Variants in EFCAB14 observed in about 807,000 individuals in gnomAD.
The protein encoded by EFCAB14 is EF-hand calcium-binding domain-containing protein 14.
In EFCAB14, 43 loss-of-function variants were observed where a neutral mutation model predicts 56.5. The ratio of observed to expected loss-of-function variants is 0.76; its 90% confidence interval spans 0.60 to 0.98. The LOEUF (loss-of-function observed/expected upper bound fraction) is 0.98, where lower values mean the gene tolerates loss of function less well. Ranked by LOEUF, EFCAB14 falls within the 50% of genes least tolerant of loss-of-function variation. EFCAB14 has a pLI of 0.00. For missense variants in EFCAB14, 538 were observed against 580.3 expected (o/e 0.93, Z 0.75); for synonymous variants, 235 against 212.9 (o/e 1.10, Z -0.90).
At chr1:46,679,509 G>A (rs1167258868) in intron 10 of EFCAB14, among the ~76,000 whole-genome samples, 2 of 150,824 alleles carry the variant, frequency 1.3e-5, no homozygotes, top group Non-Finnish European at 2.9e-5. Flanking sequence ...CACCATGTTG[G>A]CCAGGCTGGT....
chr1:46,686,118 C>G (rs971908637), intron 8 of EFCAB14, among the ~76,000 whole-genome samples: 1 of 152,136 alleles, frequency 6.6e-6, no homozygotes, highest in African/African-American at 2.4e-5. Flanking sequence ...TTTATCTTAG[C>G]CCAGAGTTTA....
chr1:46,692,320 G>C (rs1449895063), intron 4 of EFCAB14, among the ~76,000 whole-genome samples: 1 of 152,234 alleles, frequency 6.6e-6, no homozygotes, highest in African/African-American at 2.4e-5. Context: ...ATTCCATTGT[G>C]TGGCTCTATC....
intron 7 of EFCAB14, 102 bp downstream of exon 7, chr1:46,688,251 G>A (rs1676920775): frequency 9.2e-7 from 1 of 1,090,474 alleles, no homozygotes; most frequent in Non-Finnish European, 1.4e-6. Context: ...CAAATGTGTG[G>A]CCTCTCAAAT....
chr1:46,717,351 T>C (rs1677412258), intron 1 of EFCAB14, among the ~76,000 whole-genome samples: 1 of 152,142 alleles, frequency 6.6e-6, no homozygotes, highest in Non-Finnish European at 1.5e-5. Context: ...TGTCCTCAAA[T>C]CTTACTACTT....
At chr1:46,687,075 T>C (rs931685473) in intron 7 of EFCAB14, 2 of 593,160 alleles carry the variant, frequency 3.4e-6, no homozygotes, top group Non-Finnish European at 6.0e-6. Context: ...CTTCTAGCTG[T>C]TTCAGTCACA....
intron 1 of EFCAB14, 70 bp downstream of exon 1, chr1:46,717,833 C>A: frequency 6.6e-7 from 1 of 1,515,696 alleles, no homozygotes; most frequent in South Asian, 1.2e-5. Flanking sequence ...CTTTCTCCTT[C>A]CTGTCAATGT....
Position 46,683,180 on chromosome 1 carries a change from T to C in EFCAB14, c.1312+120A>G, listed in dbSNP as rs781242479. On this transcript the variant is annotated intron_variant, in intron 10 of 10. Transcript: ENST00000371933. The stretch of plus-strand genomic sequence containing the variant: ...TATGACATAATGCATATAAAGTATC[T>C]GGCACTTGATATCTCCTCAATAAAT... 2.6e-6 allele frequency: 3 copies of C among 1,147,698 alleles called. No individual in the cohort carries two copies. The African/African-American group carries it at 4.7e-5, about 18-fold the overall frequency. 71.1% of individuals were successfully genotyped at this position (1,147,698 alleles called of 1,614,324 possible).
chr1:46,708,476 A>G (rs965784290), intron 2 of EFCAB14, among the ~76,000 whole-genome samples: 2 of 152,206 alleles, frequency 1.3e-5, no homozygotes, highest in African/African-American at 4.8e-5. Context: ...TAGATGATAA[A>G]TGCTAAGTAC....
At position 46,679,599 on chromosome 1, in the gene EFCAB14, G is replaced by GT. The variant is rs60875639; in HGVS notation, c.1313-964dup. 4.4e-3 allele frequency among the ~76,000 whole-genome samples: 160 copies of GT among 36,512 alleles called. 26 individuals carry two copies. The highest frequency in any genetic ancestry group is 4.6e-3 in the Non-Finnish European group (96 of 20,680). 24.0% of individuals were successfully genotyped at this position (36,512 alleles called of 152,430 possible). On this transcript the variant is annotated intron_variant, in intron 10 of 10. Transcript: ENST00000371933. ...ATTATAGGCGTGAACCACCACGCCT[G>GT]TTTTTTTTTTTTTTTTTTTTTTTTT...
intron 6 of EFCAB14, 86 bp downstream of exon 6, chr1:46,689,501 G>T: frequency 7.8e-7 from 1 of 1,286,772 alleles, no homozygotes; most frequent in Non-Finnish European, 1.1e-6. Flanking sequence ...TGCACCTGCT[G>T]AGACACCAAA....
At chr1:46,689,881 A>G (rs2148842001) in intron 5 of EFCAB14, among the ~76,000 whole-genome samples, 190 bp from the exon 6 acceptor site, 2 of 152,282 alleles carry the variant, frequency 1.3e-5, no homozygotes, top group East Asian at 3.9e-4. Context: ...TTGAGCATGC[A>G]CTAGGCCAGC....
intron 10 of EFCAB14, among the ~76,000 whole-genome samples, chr1:46,679,468 T>G (rs899299421): frequency 2.0e-5 from 3 of 151,690 alleles, no homozygotes; most frequent in Admixed American, 2.0e-4. Context: ...GCCCAGCTAA[T>G]TTTTTTTAAT....
intron 3 of EFCAB14, among the ~76,000 whole-genome samples, chr1:46,699,592 C>CG (rs1226152924): frequency 1.3e-5 from 2 of 152,032 alleles, no homozygotes; most frequent in Non-Finnish European, 1.5e-5. Context: ...AGACAGAGGC[C>CG]GGGGGGTAGG....
At chr1:46,704,965 T>C (rs146258976) in intron 3 of EFCAB14, among the ~76,000 whole-genome samples, 7 of 152,246 alleles carry the variant, frequency 4.6e-5, no homozygotes, top group East Asian at 1.9e-4. Context: ...TTAAGTGATA[T>C]AATAACACTT....
chr1:46,716,658 CAGA>C (rs796489038), intron 1 of EFCAB14, among the ~76,000 whole-genome samples: 3 of 152,266 alleles, frequency 2.0e-5, no homozygotes, highest in African/African-American at 7.2e-5. Context: ...TCACATAAAA[CAGA>C]AGGAGTTCCT....
At chr1:46,683,082 T>C (rs779009112) in intron 10 of EFCAB14, 1 of 399,344 alleles carries the variant, frequency 2.5e-6, no homozygotes, top group Non-Finnish European at 4.4e-6. Flanking sequence ...TGTGTGGACT[T>C]AGGCAGTTTC....
At chr1:46,686,429 TATC>T in intron 8 of EFCAB14, among the ~76,000 whole-genome samples, 2 of 152,344 alleles carry the variant, frequency 1.3e-5, no homozygotes, top group South Asian at 4.1e-4. Context: ...TTCTTGATCT[TATC>T]ATATCCTGTA....
At chr1:46,713,738 TAAC>T (rs1677345647) in intron 2 of EFCAB14, among the ~76,000 whole-genome samples, 1 of 152,182 alleles carries the variant, frequency 6.6e-6, no homozygotes, top group Non-Finnish European at 1.5e-5. Flanking sequence ...CAAGCCTAAC[TAAC>T]TACAGGGCTG....
rs1001474843 is a variant in EFCAB14 at position 46,677,125 on chromosome 1, G to A, written c.*1336C>T. On this transcript the variant is annotated 3_prime_UTR_variant, in exon 11 of 11. Transcript: ENST00000371933. ...CTAGACTCAACATACAGGAGACATG[G>A]AGGTATTATTCCTTTCAATCTAGGG... 2.6e-5 allele frequency: 4 copies of A among 152,738 alleles called. No individual in the cohort carries two copies. Among genetic ancestry groups the A allele is most frequent in the African/African-American group, 9.6e-5 (4 of 41,558 alleles). The allele number at this position is 152,738 out of a possible 1,614,324, so 9.5% of individuals were successfully genotyped here. A position where few individuals can be genotyped will look rare whatever the true frequency, so the allele number is the denominator to read the frequency against.
Sources: allele counts gnomAD v4.1 joint callset (sites outside exome capture counted in the v4.1 genomes callset), GRCh38; gene constraint gnomAD v4.1.1; transcripts MANE v1.5; gene names NCBI Gene and HGNC (gene_info 2026-07-23, HGNC 2026-07-21).